NBPF15: variants seen among roughly 807,000 people sequenced by gnomAD.
NBPF15 encodes NBPF member 15, also known as NBPF family member NBPF15.
NBPF15 carries 74 observed loss-of-function variants against 62.2 expected under a neutral mutation model. The observed-to-expected ratio is 1.19, with a 90% CI of 0.99 to 1.44. The LOEUF (loss-of-function observed/expected upper bound fraction) is 1.44, where lower values mean the gene tolerates loss of function less well. Ranked by LOEUF, NBPF15 falls within the 40% of genes most tolerant of loss-of-function variation. The pLI, the probability that NBPF15 is intolerant of heterozygous loss-of-function variation, is 0.00. For synonymous variants in NBPF15, 244 were observed against 209.7 expected (o/e 1.16, Z -1.41); for missense variants, 790 against 550.0 (o/e 1.44, Z -4.36).
rs1302078148 is a variant in NBPF15 at position 144,460,912 on chromosome 1, C to T, written c.-888G>A. ...GGTGATTCAGTGACTGCTACAAACG[C>T]TCCTCATGTGCATCCTGGACTTGGT... On this transcript the variant is annotated 5_prime_UTR_variant, in exon 2 of 22. Coordinates refer to ENST00000581897, the MANE Select transcript of NBPF15 (RefSeq NM_001385408.1). The T allele has an allele frequency of 6.6e-6, 1 of 151,790 alleles. No individual in the cohort carries two copies. Among genetic ancestry groups the T allele is most frequent in the African/African-American group, 2.4e-5 (1 of 41,260 alleles). 9.4% of individuals were successfully genotyped at this position (151,790 alleles called of 1,614,324 possible).
Position 144,426,454 on chromosome 1 carries a change from G to T in NBPF15, c.1266-4C>A. 2 of 799,912 alleles carry T rather than the reference G, an allele frequency of 2.5e-6. No individual in the cohort carries two copies. The highest frequency in any genetic ancestry group is 2.7e-5 in the South Asian group (2 of 73,836). The allele number at this position is 799,912 out of a possible 1,614,324, so 49.6% of individuals were successfully genotyped here. A position where few individuals can be genotyped will look rare whatever the true frequency, so the allele number is the denominator to read the frequency against. ...ATCCAGCAGCTCCCTGCTGAGCCTG[G>T]AAAAGTAGGAAAAAGTAAAGAATAA... On this transcript the variant is annotated splice_polypyrimidine_tract_variant and splice_region_variant and intron_variant, in intron 17 of 21. Transcript: ENST00000581897.
intron 13 of NBPF15, among the ~76,000 whole-genome samples, chr1:144,430,333 C>A (rs1673219297): frequency 6.6e-6 from 1 of 151,458 alleles, no homozygotes; most frequent in Non-Finnish European, 1.5e-5. Context: ...AAATACTAGC[C>A]AACATACTAC....
rs1346037406 is a variant in NBPF15 at position 144,456,683 on chromosome 1, C to T, written c.-578G>A. On this transcript the variant is annotated 5_prime_UTR_variant, in exon 4 of 22. Transcript: ENST00000581897. ...GTTGGTGGCAGCCCCAGCGTGGAGG[C>T]CAAGAACACACAGCACTGAAGCTCC... The T allele has an allele frequency of 1.8e-5, 26 of 1,422,508 alleles. No homozygotes were observed. The highest frequency in any genetic ancestry group is 2.4e-5 in the Non-Finnish European group (26 of 1,077,126). The allele number at this position is 1,422,508 out of a possible 1,614,324, so 88.1% of individuals were successfully genotyped here.
chr1:144,452,454 T>C (rs1386768059), intron 4 of NBPF15, among the ~76,000 whole-genome samples: 9 of 151,476 alleles, frequency 5.9e-5, no homozygotes, highest in African/African-American at 2.2e-4. Flanking sequence ...AATATAAATA[T>C]AATGAAGTCT....
At chr1:144,457,276 G>A (rs1382362149) in intron 3 of NBPF15, among the ~76,000 whole-genome samples, 2 of 152,080 alleles carry the variant, frequency 1.3e-5, no homozygotes, top group African/African-American at 4.8e-5. Context: ...AATTATGAGT[G>A]TGTGGGTGTA....
rs1671017830 is a variant in NBPF15, at chr1:144,427,944, C to T, written c.1087G>A (p.Asp363Asn). 2.6e-6 allele frequency: 2 copies of T among 775,924 alleles called. No individual in the cohort carries two copies. The highest frequency in any genetic ancestry group is 1.4e-5 in the South Asian group (1 of 73,168). 48.1% of individuals were successfully genotyped at this position (775,924 alleles called of 1,614,324 possible). Residue 363 changes from aspartate to asparagine, a missense_variant, in exon 16 of 22, where the codon GAC becomes AAC. By Grantham distance (23) the Asp-to-Asn change is conservative. Transcript: ENST00000581897. ...GTTGAATAACATCTATCCAGTGAGT[C>T]CTGCAAGACTTCAGGCTCTTTCTCA... ...LDEKEPEVLQDSLDRCYSTPS... is the reference protein window; with the variant it reads ...LDEKEPEVLQNSLDRCYSTPS...
intron 12 of NBPF15, among the ~76,000 whole-genome samples, chr1:144,434,427 G>A (rs1439292631): frequency 2.0e-5 from 3 of 148,638 alleles, no homozygotes; most frequent in African/African-American, 7.6e-5. Context: ...CTTGAATCTG[G>A]GAGGGAGAGG....
At chr1:144,447,493 A>T (rs4950153) in intron 6 of NBPF15, among the ~76,000 whole-genome samples, 2 of 135,322 alleles carry the variant, frequency 1.5e-5, no homozygotes, top group Non-Finnish European at 3.2e-5. Flanking sequence ...GGTGCCCCCA[A>T]TGCTAAACCT....
At position 144,445,853 on chromosome 1, in the gene NBPF15, CTTTTTTT is replaced by C. The variant is rs1229682742; in HGVS notation, c.-191+2915_-191+2921del. On this transcript the variant is annotated intron_variant, in intron 6 of 21. Coordinates refer to ENST00000581897, the MANE Select transcript of NBPF15 (RefSeq NM_001385408.1). Reference sequence around the variant, plus strand: ...CCTTACATAAATTTTGTTGACTTTCCTTTTTTTTTTTTTTTTTTTTTGAAACAGAGTC... The same window carrying C: ...CCTTACATAAATTTTGTTGACTTTCCTTTTTTTTTTTTTTGAAACAGAGTC... Among the ~76,000 whole-genome samples the C allele has an allele frequency of 4.0e-3, 420 of 105,412 alleles. 5 individuals are homozygous for C. The highest frequency in any genetic ancestry group is 0.015 in the African/African-American group (399 of 26,354). The allele number at this position is 105,412 out of a possible 152,430, so 69.2% of individuals were successfully genotyped here. A position where few individuals can be genotyped will look rare whatever the true frequency, so the allele number is the denominator to read the frequency against.
At chr1:144,433,210 A>G (rs1252553685) in intron 13 of NBPF15, among the ~76,000 whole-genome samples, 1 of 152,026 alleles carries the variant, frequency 6.6e-6, no homozygotes, top group African/African-American at 2.4e-5. Flanking sequence ...TACTGGGAAA[A>G]TAACAAAATG....
chr1:144,452,419 C>T (rs1258702945), intron 4 of NBPF15, among the ~76,000 whole-genome samples: 1 of 151,746 alleles, frequency 6.6e-6, no homozygotes, highest in South Asian at 2.1e-4. Flanking sequence ...CAATAGTCCA[C>T]TATATAAAGT....
At chr1:144,438,252 C>T (rs1275343843) in intron 8 of NBPF15, among the ~76,000 whole-genome samples, 3 of 150,562 alleles carry the variant, frequency 2.0e-5, no homozygotes, top group Non-Finnish European at 2.9e-5. Context: ...AGAAAGAGAA[C>T]CTCAAGGGCA....
chr1:144,426,972 C>T (rs1446261922), intron 17 of NBPF15, 75 bp downstream of exon 17: 35 of 713,542 alleles, frequency 4.9e-5, no homozygotes, highest in Non-Finnish European at 7.8e-5. Context: ...AAATTGAACA[C>T]ACTCTTGTTT....
At position 144,445,630 on chromosome 1, in the gene NBPF15, T is replaced by G. The variant is rs1361165364; in HGVS notation, c.-191+3145A>C. ...ATCATTGACATTACCATATAAATGG[T>G]AGAATCAGCTTGTAAATTTCTACCA... On this transcript the variant is annotated intron_variant, in intron 6 of 21. Coordinates refer to ENST00000581897, the MANE Select transcript of NBPF15 (RefSeq NM_001385408.1). 3.3e-5 allele frequency among the ~76,000 whole-genome samples: 5 copies of G among 150,976 alleles called. 1 individual carries two copies. Among genetic ancestry groups the G allele is most frequent in the Admixed American group, 2.6e-4 (4 of 15,158 alleles).
chr1:144,432,288 T>A (rs1284392946), intron 13 of NBPF15, among the ~76,000 whole-genome samples: 2 of 151,554 alleles, frequency 1.3e-5, no homozygotes, highest in African/African-American at 2.4e-5. Flanking sequence ...AGGCCTGCCT[T>A]ACAAGAGCTC....
chr1:144,428,470 A>T (rs1386428857), intron 15 of NBPF15, 136 bp downstream of exon 15: 2 of 892,818 alleles, frequency 2.2e-6, no homozygotes, highest in East Asian at 4.8e-5. Flanking sequence ...ATGAGAACCA[A>T]AAAGCAATGT....
chr1:144,422,854 C>A lies in NBPF15; in HGVS notation c.*159G>T. The A allele has an allele frequency of 1.2e-5, 19 of 1,555,428 alleles. 1 individual carries two copies. Among genetic ancestry groups the A allele is most frequent in the Non-Finnish European group, 1.7e-5 (19 of 1,147,348 alleles). On this transcript the variant is annotated 3_prime_UTR_variant, in exon 22 of 22. Coordinates refer to ENST00000581897, the MANE Select transcript of NBPF15 (RefSeq NM_001385408.1). The stretch of plus-strand genomic sequence containing the variant: ...GGGTCCATTGTCTTCAGATTGAGCA[C>A]AGGTTGCCAATGGCATGGTTTGAGA...
chr1:144,458,103 A>T (rs1226558711), intron 3 of NBPF15, among the ~76,000 whole-genome samples: 2 of 151,752 alleles, frequency 1.3e-5, no homozygotes, highest in Admixed American at 6.6e-5. Flanking sequence ...AAAAAAAAAA[A>T]TTGTTCGATG....
intron 6 of NBPF15, among the ~76,000 whole-genome samples, chr1:144,444,010 G>T (rs1685411742): frequency 6.6e-6 from 1 of 151,870 alleles, no homozygotes; most frequent in Non-Finnish European, 1.5e-5. Context: ...GTTCTTTTGT[G>T]TTGCCTTCTT....
Sources: gnomAD v4.1 joint callset for allele counts (sites outside exome capture counted in the v4.1 genomes callset) on GRCh38, gnomAD v4.1.1 for gene constraint, MANE v1.5 for transcripts, NCBI Gene and HGNC (gene_info 2026-07-23, HGNC 2026-07-21) for gene names.